The following GALNT15 variants were observed in gnomAD, a reference collection of about 807,000 sequenced individuals.
The protein encoded by GALNT15 is polypeptide N-acetylgalactosaminyltransferase 15.
Under a neutral mutation model 66.8 loss-of-function variants are expected in GALNT15, and 67 were observed. The ratio of observed to expected loss-of-function variants is 1.00; its 90% CI spans 0.82 to 1.23. The LOEUF (loss-of-function observed/expected upper bound fraction) is 1.23. GALNT15 is among the 50% of genes most tolerant of loss of function. GALNT15 has a pLI of 0.00. For synonymous variants in GALNT15, 313 were observed against 311.5 expected (o/e 1.00, Z -0.05); for missense variants, 827 against 804.3 (o/e 1.03, Z -0.34).
chr3:16,241,322 A>C, the GALNT15 span, among the ~76,000 whole-genome samples: 1 of 152,196 alleles, frequency 6.6e-6, no homozygotes, highest in Non-Finnish European at 1.5e-5. The surrounding 1 kb of genome is among the most constrained non-coding windows in gnomAD (Gnocchi z 4.6). Context: ...CCTAGAAACA[A>C]GCAGAATGAA....
chr3:16,196,792 G>A (rs2063643527), intron 2 of GALNT15, among the ~76,000 whole-genome samples: 1 of 152,142 alleles, frequency 6.6e-6, no homozygotes, highest in Non-Finnish European at 1.5e-5. Flanking sequence ...CTACATTTCT[G>A]GCACAACTAA....
At chr3:16,205,002 G>T (rs918995377) in intron 3 of GALNT15, among the ~76,000 whole-genome samples, 3 of 152,212 alleles carry the variant, frequency 2.0e-5, no homozygotes, top group African/African-American at 7.2e-5. Flanking sequence ...AGGAGGTCAG[G>T]ATGCCTCCTG....
the GALNT15 span, among the ~76,000 whole-genome samples, chr3:16,243,176 C>G: frequency 1.3e-5 from 2 of 152,204 alleles, no homozygotes; most frequent in Non-Finnish European, 2.9e-5. Flanking sequence ...CAAGAGCAGA[C>G]CAGGCTCCCA....
chr3:16,212,707 G>A lies in GALNT15; in HGVS notation c.1336G>A (p.Gly446Arg). Residue 446 changes from glycine to arginine, a missense_variant, in exon 6 of 10, where the codon GGG becomes AGG. Transcript: ENST00000339732. ...NRVRIAETWL[G>R]SFKETFYKHS... ...GGTTCGCATTGCTGAGACCTGGCTG[G>A]GGTCATTCAAAGAAACCTTCTACAA... The A allele has an allele frequency of 6.2e-7, 1 of 1,614,002 alleles. No homozygotes were observed. The highest frequency in any genetic ancestry group is 8.5e-7 in the Non-Finnish European group (1 of 1,180,018).
In GALNT15 at chr3:16,189,065, T is replaced by C. The variant is rs1249717573; in HGVS notation, c.540-6695T>C. Among the ~76,000 whole-genome samples the C allele has an allele frequency of 1.3e-5, 2 of 152,018 alleles. No individual in the cohort carries two copies. The highest frequency in any genetic ancestry group is 2.9e-5 in the Non-Finnish European group (2 of 68,036). ...CAAGCTTTATCCTTCTGAAGGGAAG[T>C]CATCCTGCATTTTAACAACAACAAC... On this transcript the variant is annotated intron_variant, in intron 1 of 9. Transcript: ENST00000339732. This position sits in a 1 kb window ranked among gnomAD's most constrained non-coding sequence, Gnocchi z 5.1.
At chr3:16,194,593 A>G (rs2346675) in intron 1 of GALNT15, among the ~76,000 whole-genome samples, 58,746 of 152,106 alleles carry the variant, frequency 0.39, 11,914 homozygotes, top group East Asian at 0.59. Context: ...ATGCCCATCA[A>G]TGATAGACTA....
chr3:16,191,413 C>A lies in GALNT15; in HGVS notation c.540-4347C>A, dbSNP rs899563164. 21 of 838,774 alleles carry A rather than the reference C, an allele frequency of 2.5e-5. No individual in the cohort carries two copies. In the South Asian group the frequency reaches 6.0e-4, roughly 24 times the overall value. The allele number at this position is 838,774 out of a possible 1,614,324, so 52.0% of individuals were successfully genotyped here. On this transcript the variant is annotated intron_variant, in intron 1 of 9. Transcript: ENST00000339732. The surrounding 1 kb of genome is among the most constrained non-coding windows in gnomAD (Gnocchi z 5.2). Reference sequence around the variant, plus strand: ...ACTGTTCTTGGTGCTTTATAAAGATCATTTCATCTCCACAACAGCAAATCC... The same window carrying A: ...ACTGTTCTTGGTGCTTTATAAAGATAATTTCATCTCCACAACAGCAAATCC...
rs1175214996 is a variant in GALNT15, at chr3:16,188,701, C to T, written c.540-7059C>T. The stretch of plus-strand genomic sequence containing the variant: ...CAGCTTCCTAGGTTTCCAGTGGCTT[C>T]TCTGAATTGCTGCTCAAACCCTCCT... On this transcript the variant is annotated intron_variant, in intron 1 of 9. Transcript: ENST00000339732. The surrounding 1 kb of genome is among the most constrained non-coding windows in gnomAD (Gnocchi z 4.6). Among the ~76,000 whole-genome samples, 1 of 152,312 alleles carries T rather than the reference C, an allele frequency of 6.6e-6. No individual in the cohort carries two copies. Among genetic ancestry groups the T allele is most frequent in the Admixed American group, 6.5e-5 (1 of 15,310 alleles).
Position 16,225,838 on chromosome 3 carries a change from A to C in GALNT15, c.1774-1516A>C, listed in dbSNP as rs571035477. 8.5e-5 allele frequency among the ~76,000 whole-genome samples: 13 copies of C among 152,276 alleles called. No individual in the cohort carries two copies. Among genetic ancestry groups the C allele is most frequent in the Non-Finnish European group, 1.8e-4 (12 of 68,026 alleles). The stretch of plus-strand genomic sequence containing the variant: ...GATCACTTGAGGTCAGGAGTTCGAG[A>C]CCAGCCTGGCCAATATGGGTTTTTA... On this transcript the variant is annotated intron_variant, in intron 9 of 9. Coordinates refer to ENST00000339732, the MANE Select transcript of GALNT15 (RefSeq NM_054110.5). The surrounding 1 kb of genome is among the most constrained non-coding windows in gnomAD (Gnocchi z 4.4).
the GALNT15 span, among the ~76,000 whole-genome samples, chr3:16,242,959 G>A: frequency 1.3e-5 from 2 of 152,118 alleles, no homozygotes; most frequent in Non-Finnish European, 1.5e-5. This position sits in a 1 kb window ranked among gnomAD's most constrained non-coding sequence, Gnocchi z 5.6. Context: ...GAGTAAGATA[G>A]GCAGGGAAGA....
downstream of GALNT15, among the ~76,000 whole-genome samples, chr3:16,231,468 CG>C (rs1468250232): frequency 6.6e-6 from 1 of 151,994 alleles, no homozygotes; most frequent in Non-Finnish European, 1.5e-5. This position sits in a 1 kb window ranked among gnomAD's most constrained non-coding sequence, Gnocchi z 4.1. Context: ...GTTCTTTCCA[CG>C]GGTATGGGAT....
chr3:16,199,726 G>T (rs56317423), intron 2 of GALNT15, among the ~76,000 whole-genome samples: 20,984 of 151,296 alleles, frequency 0.14, 1,644 homozygotes, highest in East Asian at 0.22. Flanking sequence ...GCACTGCGGG[G>T]TCTGTCTTGC....
intron 6 of GALNT15, among the ~76,000 whole-genome samples, chr3:16,214,514 T>C (rs1439125012): frequency 6.6e-6 from 1 of 152,206 alleles, no homozygotes; most frequent in Non-Finnish European, 1.5e-5. Context: ...TGCTTGTGTG[T>C]TTACTATTAA....
chr3:16,193,476 A>T lies in GALNT15; in HGVS notation c.540-2284A>T, dbSNP rs1431175673. Among the ~76,000 whole-genome samples the T allele has an allele frequency of 6.6e-6, 1 of 152,220 alleles. No individual in the cohort carries two copies. Among genetic ancestry groups the T allele is most frequent in the Non-Finnish European group, 1.5e-5 (1 of 68,044 alleles). ...TAGCTTGTAAATTTATAAACCAACA[A>T]AATAATTAGCTCCTTTATGAGATGT... On this transcript the variant is annotated intron_variant, in intron 1 of 9. Transcript: ENST00000339732. The surrounding 1 kb of genome is among the most constrained non-coding windows in gnomAD (Gnocchi z 4.7).
rs2063722582 is a variant in GALNT15, at chr3:16,203,463, T to TCTCTGC, written c.911+2645_911+2650dup. On this transcript the variant is annotated intron_variant, in intron 3 of 9. Coordinates refer to ENST00000339732, the MANE Select transcript of GALNT15 (RefSeq NM_054110.5). This position sits in a 1 kb window ranked among gnomAD's most constrained non-coding sequence, Gnocchi z 6.2. The stretch of plus-strand genomic sequence containing the variant: ...CTCTCCTCTTTTCCTCTCCTGTCTG[T>TCTCTGC]CTCTGCCTCTCTACCTCTCTCACGG... Among the ~76,000 whole-genome samples, 1 of 151,788 alleles carries TCTCTGC rather than the reference T, an allele frequency of 6.6e-6. No individual in the cohort carries two copies. Among genetic ancestry groups the TCTCTGC allele is most frequent in the Non-Finnish European group, 1.5e-5 (1 of 67,976 alleles).
intron 3 of GALNT15, among the ~76,000 whole-genome samples, chr3:16,207,703 C>T (rs1254873918): frequency 6.6e-6 from 1 of 152,048 alleles, no homozygotes; most frequent in Non-Finnish European, 1.5e-5. Flanking sequence ...TCCAGTTTTA[C>T]ACTACAAGGA....
Position 16,189,840 on chromosome 3 carries a change from TC to T in GALNT15, c.540-5919del, listed in dbSNP as rs372199797. On this transcript the variant is annotated intron_variant, in intron 1 of 9. Transcript: ENST00000339732. This position sits in a 1 kb window ranked among gnomAD's most constrained non-coding sequence, Gnocchi z 5.1. ...GTATGTTCAAGATGGATTAATGGAG[TC>T]AAAAAGATTGTGAGAAATGAGAATT... is the stretch of plus-strand genomic sequence containing the variant. 9.3e-4 allele frequency among the ~76,000 whole-genome samples: 142 copies of T among 152,174 alleles called. No homozygotes were observed. Among genetic ancestry groups the T allele is most frequent in the African/African-American group, 3.4e-3 (139 of 41,482 alleles).
chr3:16,181,351 T>G lies in GALNT15; in HGVS notation c.539+5661T>G, dbSNP rs905398020. 1.3e-5 allele frequency among the ~76,000 whole-genome samples: 2 copies of G among 152,114 alleles called. No homozygotes were observed. Among genetic ancestry groups the G allele is most frequent in the Non-Finnish European group, 2.9e-5 (2 of 68,016 alleles). ...AGGTGGTTCTATCGTGAAGCCAGGC[T>G]GCAAGGCCCCAGGTGGTCAATGGCT... On this transcript the variant is annotated intron_variant, in intron 1 of 9. Coordinates refer to ENST00000339732, the MANE Select transcript of GALNT15 (RefSeq NM_054110.5). The surrounding 1 kb of genome is among the most constrained non-coding windows in gnomAD (Gnocchi z 5.9).
the GALNT15 span, among the ~76,000 whole-genome samples, chr3:16,243,371 C>G: frequency 2.0e-5 from 3 of 152,372 alleles, no homozygotes; most frequent in Admixed American, 2.0e-4. Context: ...CAAAGGTTCC[C>G]TCAGGTCAGA....
Sources: allele counts gnomAD v4.1 joint callset (sites outside exome capture counted in the v4.1 genomes callset), GRCh38; gene constraint gnomAD v4.1.1; non-coding constraint Gnocchi (gnomAD v3.1); transcripts MANE v1.5; gene names NCBI Gene and HGNC (gene_info 2026-07-23, HGNC 2026-07-21).